PTK7: variants seen among roughly 807,000 people sequenced by gnomAD.
PTK7 encodes the protein protein tyrosine kinase 7 (inactive).
Under a neutral mutation model 116.6 loss-of-function variants are expected in PTK7, and 39 were observed. The ratio of observed to expected loss-of-function variants is 0.33; its 90% CI spans 0.26 to 0.44. PTK7 has a LOEUF of 0.44. Among genes scored for constraint, PTK7 ranks in the 20% least tolerant of loss-of-function variants. The pLI is 1.00. For synonymous variants in PTK7, 546 were observed against 563.6 expected (o/e 0.97, Z 0.44); for missense variants, 1,169 against 1,425.6 (o/e 0.82, Z 2.90).
In PTK7 at chr6:43,132,518, C is replaced by G. The variant is rs148837055; in HGVS notation, c.1059C>G (p.Ser353Arg). 212 of 1,612,668 alleles carry G rather than the reference C, an allele frequency of 1.3e-4. No individual in the cohort carries two copies. The African/African-American group carries it at 2.1e-3, about 16-fold the overall frequency. ...CLPPKGLPEP[S>R]VWWEHAGVRL... ...CCCCCAAGGGTCTGCCAGAGCCCAG[C>G]GTGTGGTGGGAGCACGCGGGAGTCC... Residue 353 changes from serine (S) to arginine (R), a missense_variant, in exon 7 of 20, where the codon AGC becomes AGG. Ser to Arg is a moderately radical substitution (Grantham distance 110). Coordinates refer to ENST00000230419, the MANE Select transcript of PTK7 (RefSeq NM_002821.5).
chr6:43,160,542 C>T (rs1209781997), intron 19 of PTK7, among the ~76,000 whole-genome samples, 179 bp from the exon 20 acceptor site: 2 of 152,212 alleles, frequency 1.3e-5, no homozygotes, highest in African/African-American at 2.4e-5. Context: ...GTCCTACCAG[C>T]CAGAGTGAGT....
intron 1 of PTK7, among the ~76,000 whole-genome samples, chr6:43,107,658 A>T (rs1448784218): frequency 1.3e-5 from 2 of 152,244 alleles, no homozygotes; most frequent in Non-Finnish European, 2.9e-5. Flanking sequence ...AGTACTTGGC[A>T]CATGGTAGGC....
intron 1 of PTK7, among the ~76,000 whole-genome samples, chr6:43,118,102 CTTTTTT>C (rs10591741): frequency 1.7e-4 from 21 of 123,126 alleles, no homozygotes; most frequent in East Asian, 4.5e-4. Context: ...TCAGATGGGC[CTTTTTT>C]TTTTTTTTTT....
At chr6:43,115,801 G>A (rs1207896062) in intron 1 of PTK7, among the ~76,000 whole-genome samples, 2 of 151,902 alleles carry the variant, frequency 1.3e-5, no homozygotes, top group Non-Finnish European at 2.9e-5. Flanking sequence ...GCCTGGCACT[G>A]TGGCGGGTGT....
intron 1 of PTK7, among the ~76,000 whole-genome samples, chr6:43,115,947 A>AAAGG (rs577047547): frequency 0.056 from 7,187 of 128,134 alleles, 503 homozygotes; most frequent in African/African-American, 0.066. Context: ...AAAAAAAAAA[A>AAAGG]GGCAGTGGGC....
intron 1 of PTK7, among the ~76,000 whole-genome samples, chr6:43,123,362 C>T (rs936063112): frequency 3.3e-5 from 5 of 152,118 alleles, no homozygotes; most frequent in African/African-American, 1.2e-4. Flanking sequence ...TTTCCTAAAC[C>T]AGGAGTTCTA....
At chr6:43,098,502 C>G (rs1431278284) in intron 1 of PTK7, among the ~76,000 whole-genome samples, 1 of 151,848 alleles carries the variant, frequency 6.6e-6, no homozygotes, top group Non-Finnish European at 1.5e-5. Flanking sequence ...ATTACAGGCG[C>G]CTGCCACCAT....
Position 43,130,404 on chromosome 6 carries a change from C to G in PTK7, c.645C>G (p.Phe215Leu), listed in dbSNP as rs1411572620. 2 of 1,606,388 alleles carry G rather than the reference C, an allele frequency of 1.2e-6. No individual in the cohort carries two copies. The highest frequency in any genetic ancestry group is 2.7e-5 in the African/African-American group (2 of 74,818). ...GCCAGGCTTGCAGCAGCCAGAACTTCACCTTGAGCATTGCTGGTGAGCCTG... is the reference window on the plus strand; with the variant it reads ...GCCAGGCTTGCAGCAGCCAGAACTTGACCTTGAGCATTGCTGGTGAGCCTG... The part of the protein sequence containing the change: ...AFGQACSSQN[F>L]TLSIADESFA... Residue 215 changes from phenylalanine to leucine, a missense_variant, in exon 4 of 20, where the codon TTC becomes TTG. Physicochemically the swap from Phe to Leu is conservative, Grantham distance 22. Transcript: ENST00000230419.
intron 1 of PTK7, among the ~76,000 whole-genome samples, chr6:43,116,654 G>GCA (rs1768561000): frequency 1.5e-5 from 1 of 65,624 alleles, no homozygotes; most frequent in African/African-American, 4.9e-5. Context: ...GTGTGTGTGC[G>GCA]CGCGCACGCA....
chr6:43,141,884 C>A lies in PTK7; in HGVS notation c.1769-47C>A. ...GGGTAGCACCGTGTACCCTGCCAGCCCCTTGGCTTACCCCTCCCTGCGCCT... is the reference window on the plus strand; with the variant it reads ...GGGTAGCACCGTGTACCCTGCCAGCACCTTGGCTTACCCCTCCCTGCGCCT... On this transcript the variant is annotated intron_variant, in intron 11 of 19. Transcript: ENST00000230419. This position sits in a 1 kb window ranked among gnomAD's most constrained non-coding sequence, Gnocchi z 4.9. 1 of 1,595,964 alleles carries A rather than the reference C, an allele frequency of 6.3e-7. No individual in the cohort carries two copies. The highest frequency in any genetic ancestry group is 8.6e-7 in the Non-Finnish European group (1 of 1,169,018).
chr6:43,126,386 A>G (rs1383409804), intron 1 of PTK7, among the ~76,000 whole-genome samples: 4 of 152,162 alleles, frequency 2.6e-5, no homozygotes. Flanking sequence ...CTGGGGACTC[A>G]GTCTGATTCT....
intron 1 of PTK7, among the ~76,000 whole-genome samples, chr6:43,108,166 C>G (rs1258326134): frequency 1.3e-5 from 2 of 149,328 alleles, no homozygotes; most frequent in Admixed American, 6.7e-5. Context: ...GCAATCTTGG[C>G]TCACTGCAAC....
intron 1 of PTK7, among the ~76,000 whole-genome samples, chr6:43,087,125 T>C (rs1582061369): frequency 1.3e-5 from 2 of 152,350 alleles, no homozygotes; most frequent in East Asian, 3.9e-4. Context: ...GGTGGTGGGA[T>C]GGGGCAATCC....
At position 43,129,663 on chromosome 6, in the gene PTK7, T is replaced by G; in HGVS notation, c.368-64T>G. 2 of 1,406,192 alleles carry G rather than the reference T, an allele frequency of 1.4e-6. No homozygotes were observed. Among genetic ancestry groups the G allele is most frequent in the South Asian group, 2.3e-5 (2 of 86,636 alleles). 87.1% of individuals were successfully genotyped at this position (1,406,192 alleles called of 1,614,324 possible). On this transcript the variant is annotated intron_variant, in intron 2 of 19. Coordinates refer to ENST00000230419, the MANE Select transcript of PTK7 (RefSeq NM_002821.5). This position sits in a 1 kb window ranked among gnomAD's most constrained non-coding sequence, Gnocchi z 4.5. ...TCCACGGCTTCCTGCTTGTCCTCCT[T>G]GCCCTCTGCCTTCCCGCCTTTGCCC... is the stretch of plus-strand genomic sequence containing the variant.
chr6:43,107,201 G>A (rs977915951), intron 1 of PTK7, among the ~76,000 whole-genome samples: 1 of 152,186 alleles, frequency 6.6e-6, no homozygotes, highest in Non-Finnish European at 1.5e-5. Flanking sequence ...TGGGATTACA[G>A]GTGTGAGCCA....
intron 7 of PTK7, 142 bp from the exon 8 acceptor site, chr6:43,138,707 G>A (rs774979560): frequency 1.1e-5 from 13 of 1,236,508 alleles, no homozygotes; most frequent in Middle Eastern, 2.2e-4. Flanking sequence ...TGGGTCTTCC[G>A]TAAAGGGAAA....
Position 43,139,292 on chromosome 6 carries a change from G to A in PTK7, c.1498+21G>A. ...GCTGGGTGAGCCAGCATGTCTTGGGGGAGCACCCTTCCTGGCTAGGCAGGA... is the reference window on the plus strand; with the variant it reads ...GCTGGGTGAGCCAGCATGTCTTGGGAGAGCACCCTTCCTGGCTAGGCAGGA... On this transcript the variant is annotated intron_variant, in intron 9 of 19. Coordinates refer to ENST00000230419, the MANE Select transcript of PTK7 (RefSeq NM_002821.5). This position sits in a 1 kb window ranked among gnomAD's most constrained non-coding sequence, Gnocchi z 4.6. 1 of 1,614,252 alleles carries A rather than the reference G, an allele frequency of 6.2e-7. No homozygotes were observed. The highest frequency in any genetic ancestry group is 8.5e-7 in the Non-Finnish European group (1 of 1,180,042).
At chr6:43,135,591 A>AGCCATG (rs1356289537) in intron 7 of PTK7, among the ~76,000 whole-genome samples, 3 of 152,236 alleles carry the variant, frequency 2.0e-5, no homozygotes, top group Non-Finnish European at 2.9e-5. Context: ...GAAGGGAGCC[A>AGCCATG]GCCATGTGAT....
intron 1 of PTK7, among the ~76,000 whole-genome samples, chr6:43,117,253 A>C (rs914856013): frequency 3.9e-5 from 6 of 152,358 alleles, no homozygotes; most frequent in African/African-American, 1.4e-4. Context: ...AGAAGGCCAC[A>C]GAGAAGGATC....
Sources: allele counts gnomAD v4.1 joint callset (sites outside exome capture counted in the v4.1 genomes callset), GRCh38; gene constraint gnomAD v4.1.1; non-coding constraint Gnocchi (gnomAD v3.1); transcripts MANE v1.5; gene names NCBI Gene and HGNC (gene_info 2026-07-23, HGNC 2026-07-21).